The following TTLL5 variants were observed in gnomAD, a reference collection of about 807,000 sequenced individuals.
TTLL5 encodes the protein tubulin tyrosine ligase like 5.
In TTLL5, 132 loss-of-function variants were observed where a neutral mutation model predicts 168.4. That is an observed-to-expected ratio of 0.78 (90% CI 0.68 to 0.91). The LOEUF (loss-of-function observed/expected upper bound fraction) is 0.91. Among genes scored for constraint, TTLL5 ranks in the 40% least tolerant of loss-of-function variants. The pLI, the probability that TTLL5 is intolerant of heterozygous loss-of-function variation, is 0.00. For missense variants in TTLL5, 1,545 were observed against 1,581.5 expected, an observed-to-expected ratio of 0.98 and a Z score of 0.39; for synonymous variants, 546 against 558.6, an observed-to-expected ratio of 0.98 and a Z score of 0.32.
chr14:75,936,410 T>C (rs1355388563), intron 31 of TTLL5, among the ~76,000 whole-genome samples: 3 of 152,224 alleles, frequency 2.0e-5, no homozygotes, highest in Non-Finnish European at 4.4e-5. Context: ...CAGATCTTTC[T>C]TGCTCTCCCT....
chr14:75,677,270 C>T (rs1006387668), intron 3 of TTLL5, among the ~76,000 whole-genome samples: 2 of 151,726 alleles, frequency 1.3e-5, no homozygotes, highest in Non-Finnish European at 2.9e-5. Flanking sequence ...CTCCATTTTA[C>T]AGGTGAGGAA....
chr14:75,695,681 A>G (rs1293536269), intron 6 of TTLL5, among the ~76,000 whole-genome samples: 1 of 152,166 alleles, frequency 6.6e-6, no homozygotes, highest in Non-Finnish European at 1.5e-5. Context: ...ATAGAAAAGA[A>G]CCTATGTTGA....
chr14:75,670,993 C>T (rs994458533), intron 3 of TTLL5, among the ~76,000 whole-genome samples: 6 of 152,090 alleles, frequency 3.9e-5, no homozygotes, highest in Non-Finnish European at 8.8e-5. Flanking sequence ...AGGTCATGAT[C>T]CCTGTGCTTT....
intron 26 of TTLL5, among the ~76,000 whole-genome samples, chr14:75,787,077 G>A (rs1462308001): frequency 6.6e-6 from 1 of 152,036 alleles, no homozygotes; most frequent in Non-Finnish European, 1.5e-5. Flanking sequence ...AGGTTGAAGT[G>A]AGCCAAGATC....
At chr14:75,756,065 C>T (rs1285509887) in intron 18 of TTLL5, among the ~76,000 whole-genome samples, 2 of 130,716 alleles carry the variant, frequency 1.5e-5, no homozygotes, top group Middle Eastern at 5.7e-3. Context: ...GTCATGATTG[C>T]AAATTACTGG....
At chr14:75,774,239 AT>A (rs1891575435) in intron 21 of TTLL5, among the ~76,000 whole-genome samples, 1 of 152,102 alleles carries the variant, frequency 6.6e-6, no homozygotes, top group South Asian at 2.1e-4. Context: ...TCTTTGAAGC[AT>A]TTATGATTTC....
At chr14:75,861,802 C>CAAAT (rs2030029245) in intron 28 of TTLL5, among the ~76,000 whole-genome samples, 2 of 152,128 alleles carry the variant, frequency 1.3e-5, no homozygotes, top group South Asian at 4.1e-4. Flanking sequence ...GAAGGACTGA[C>CAAAT]AAGACTGTTC....
At chr14:75,851,578 CT>C (rs1308684098) in intron 28 of TTLL5, among the ~76,000 whole-genome samples, 1 of 152,202 alleles carries the variant, frequency 6.6e-6, no homozygotes, top group Admixed American at 6.5e-5. Context: ...AGGAGCCACT[CT>C]GCCCAGAATT....
intron 21 of TTLL5, 77 bp from the exon 22 acceptor site, chr14:75,775,407 A>G: frequency 1.3e-6 from 2 of 1,509,980 alleles, no homozygotes; most frequent in Admixed American, 1.9e-5. Context: ...TCTGTTATAT[A>G]ATGCCTTCAT....
chr14:75,894,031 A>T (rs1484750252), intron 30 of TTLL5, among the ~76,000 whole-genome samples: 1 of 152,176 alleles, frequency 6.6e-6, no homozygotes, highest in Admixed American at 6.5e-5. Flanking sequence ...TTGGTCTTTA[A>T]GAAGATGAAA....
Position 75,866,444 on chromosome 14 carries a change from A to C in TTLL5, c.3522+2582A>C, listed in dbSNP as rs548682135. On this transcript the variant is annotated intron_variant, in intron 29 of 31. Transcript: ENST00000298832. Reference sequence around the variant, plus strand: ...CTGCCTGTTTGAAAGCAGTAGATAGAATTGAAATCTGATTTACCTAGCATT... The same window carrying C: ...CTGCCTGTTTGAAAGCAGTAGATAGCATTGAAATCTGATTTACCTAGCATT... Among the ~76,000 whole-genome samples the C allele has an allele frequency of 1.8e-3, 279 of 152,318 alleles. 1 individual carries two copies. The highest frequency in any genetic ancestry group is 6.5e-3 in the African/African-American group (269 of 41,568).
At position 75,683,616 on chromosome 14, in the gene TTLL5, C is replaced by T. The variant is rs761381633; in HGVS notation, c.331C>T (p.Arg111Cys). ...ATCCCACCTGAAGCCCTTCTTACTG[C>T]GCACCCTCTCTGAAGCACAAAAAGT... ...TGSHLKPFLLRTLSEAQKVNH... is the reference protein window; with the variant it reads ...TGSHLKPFLLCTLSEAQKVNH... The change falls in exon 5 of 32, where the codon CGC becomes TGC. Residue 111 changes from arginine (R) to cysteine (C), a missense_variant. Transcript: ENST00000298832. 1.4e-5 allele frequency: 22 copies of T among 1,613,888 alleles called. No homozygotes were observed. Among genetic ancestry groups the T allele is most frequent in the South Asian group, 8.8e-5 (8 of 91,082 alleles).
At chr14:75,680,609 G>A (rs1292399424) in intron 3 of TTLL5, among the ~76,000 whole-genome samples, 1 of 149,356 alleles carries the variant, frequency 6.7e-6, no homozygotes, top group Non-Finnish European at 1.5e-5. Context: ...GCTATCTAGA[G>A]CAGGGATTTT....
intron 7 of TTLL5, among the ~76,000 whole-genome samples, chr14:75,704,398 G>T (rs1176729234): frequency 6.6e-6 from 1 of 152,188 alleles, no homozygotes; most frequent in Non-Finnish European, 1.5e-5. Flanking sequence ...AATTAGCTGG[G>T]TATGGTGGTA....
intron 29 of TTLL5, 96 bp from the exon 30 acceptor site, chr14:75,882,588 CT>C: frequency 9.2e-7 from 1 of 1,091,396 alleles, no homozygotes. Context: ...TTGTCCTTTT[CT>C]TTTTGCCCCT....
intron 27 of TTLL5, among the ~76,000 whole-genome samples, chr14:75,811,483 A>G (rs144400463): frequency 6.6e-6 from 1 of 151,990 alleles, no homozygotes; most frequent in East Asian, 1.9e-4. Flanking sequence ...GCCATTTTTT[A>G]ATTTCTTTAG....
intron 27 of TTLL5, among the ~76,000 whole-genome samples, chr14:75,805,959 AT>A (rs1893628914): frequency 1.3e-5 from 2 of 151,040 alleles, no homozygotes; most frequent in South Asian, 4.2e-4. Context: ...GAGAGCTGCA[AT>A]TACCTTTTCA....
intron 3 of TTLL5, among the ~76,000 whole-genome samples, chr14:75,670,533 T>C (rs754207752): frequency 3.3e-5 from 5 of 152,222 alleles, no homozygotes; most frequent in Non-Finnish European, 5.9e-5. Context: ...TACATTCCCG[T>C]CAACAACGTA....
At chr14:75,902,410 A>G (rs1466020775) in intron 31 of TTLL5, 186 bp downstream of exon 31, 2 of 701,340 alleles carry the variant, frequency 2.9e-6, no homozygotes, top group Non-Finnish European at 5.0e-6. Flanking sequence ...AGCCTAAAAT[A>G]GGCATTTTCT....
Sources: gnomAD v4.1 joint callset for allele counts (sites outside exome capture counted in the v4.1 genomes callset) on GRCh38, gnomAD v4.1.1 for gene constraint, MANE v1.5 for transcripts, NCBI Gene and HGNC (gene_info 2026-07-23, HGNC 2026-07-21) for gene names.